The following MYO3B variants were observed in gnomAD, a reference collection of about 807,000 sequenced individuals.
MYO3B encodes the protein myosin-IIIb.
MYO3B carries 156 observed loss-of-function variants against 174.6 expected under a neutral mutation model. The observed-to-expected ratio is 0.89, with a 90% CI of 0.78 to 1.02. The LOEUF (loss-of-function observed/expected upper bound fraction) is 1.02, where lower values mean the gene tolerates loss of function less well. Among genes scored for constraint, MYO3B ranks in the 50% least tolerant of loss-of-function variants. The pLI is 0.00. For missense variants in MYO3B, 1,632 were observed against 1,639.4 expected, an observed-to-expected ratio of 1.00 and a Z score of 0.08; for synonymous variants, 563 against 569.1, an observed-to-expected ratio of 0.99 and a Z score of 0.15.
At chr2:170,362,421 C>T (rs1028707595) in intron 8 of MYO3B, among the ~76,000 whole-genome samples, 2 of 152,198 alleles carry the variant, frequency 1.3e-5, no homozygotes, top group Non-Finnish European at 2.9e-5. Context: ...TCTTTCCAAC[C>T]TTGCCCCAGG....
At chr2:170,514,765 A>T (rs1235946373) in intron 28 of MYO3B, among the ~76,000 whole-genome samples, 156 bp from the exon 29 acceptor site, 1 of 152,228 alleles carries the variant, frequency 6.6e-6, no homozygotes, top group African/African-American at 2.4e-5. Context: ...AAATCTTAAA[A>T]ATAAGCACCA....
chr2:170,222,619 A>G (rs540626703), intron 6 of MYO3B, among the ~76,000 whole-genome samples: 160 of 152,276 alleles, frequency 1.1e-3, no homozygotes, highest in African/African-American at 3.8e-3. Context: ...ATGACTTCTT[A>G]TAAGAACACC....
chr2:170,426,521 A>G (rs2094663326), intron 22 of MYO3B, among the ~76,000 whole-genome samples: 2 of 151,496 alleles, frequency 1.3e-5, no homozygotes, highest in Non-Finnish European at 2.9e-5. Context: ...TATTTTTAGT[A>G]GAGGCGGGGT....
chr2:170,432,828 G>T (rs531787574), intron 22 of MYO3B, among the ~76,000 whole-genome samples: 2 of 152,214 alleles, frequency 1.3e-5, no homozygotes, highest in East Asian at 3.9e-4. Flanking sequence ...ACCTGCCTCG[G>T]CCTCCTAAAG....
intron 28 of MYO3B, among the ~76,000 whole-genome samples, chr2:170,503,677 A>C (rs1687432196): frequency 2.0e-5 from 3 of 149,408 alleles, no homozygotes; most frequent in East Asian, 2.0e-4. Flanking sequence ...CCTTGCAAGC[A>C]CCTCCCCTTT....
chr2:170,257,448 C>T (rs1317044098), intron 7 of MYO3B, among the ~76,000 whole-genome samples: 3 of 152,118 alleles, frequency 2.0e-5, no homozygotes, highest in Non-Finnish European at 4.4e-5. Context: ...CAAAACCACA[C>T]AATTGCATGG....
chr2:170,350,258 C>CA (rs2105595682), intron 8 of MYO3B: 1 of 151,824 alleles, frequency 6.6e-6, no homozygotes, highest in East Asian at 1.9e-4. Flanking sequence ...CTCGACCTCC[C>CA]AAAAACCGAA....
intron 7 of MYO3B, among the ~76,000 whole-genome samples, chr2:170,321,073 C>T (rs756622247): frequency 4.6e-5 from 7 of 151,782 alleles, no homozygotes; most frequent in East Asian, 1.9e-4. Flanking sequence ...TAGTCCAGCC[C>T]GGGCAACATA....
intron 32 of MYO3B, among the ~76,000 whole-genome samples, chr2:170,559,068 T>C (rs1691539134): frequency 6.6e-6 from 1 of 152,230 alleles, no homozygotes; most frequent in African/African-American, 2.4e-5. Context: ...TGGCCTAACC[T>C]ATCCAGATTT....
intron 7 of MYO3B, among the ~76,000 whole-genome samples, chr2:170,288,803 G>C (rs2093575678): frequency 6.6e-6 from 1 of 151,964 alleles, no homozygotes; most frequent in Non-Finnish European, 1.5e-5. Context: ...CCATTCCTTA[G>C]AGGAAAAGCT....
intron 3 of MYO3B, among the ~76,000 whole-genome samples, chr2:170,209,136 T>C (rs535730292): frequency 6.6e-6 from 1 of 152,280 alleles, no homozygotes; most frequent in South Asian, 2.1e-4. Context: ...ACCCTTCCAG[T>C]CAAAGCCTTG....
At position 170,206,551 on chromosome 2, in the gene MYO3B, G is replaced by C. The variant is rs2092715257; in HGVS notation, c.321+6267G>C. On this transcript the variant is annotated intron_variant, in intron 3 of 34. Transcript: ENST00000408978. The surrounding 1 kb of genome is among the most constrained non-coding windows in gnomAD (Gnocchi z 4.3). ...ACTAAACTGGGTTCTTGAGCCCCCA[G>C]CCTGACTAAAGGAGGCAACTGATTC... 6.6e-6 allele frequency among the ~76,000 whole-genome samples: 1 copy of C among 152,164 alleles called. No individual in the cohort carries two copies. Among genetic ancestry groups the C allele is most frequent in the African/African-American group, 2.4e-5 (1 of 41,446 alleles).
intron 30 of MYO3B, among the ~76,000 whole-genome samples, chr2:170,533,412 T>C (rs142683707): frequency 1.4e-3 from 147 of 107,094 alleles, no homozygotes; most frequent in African/African-American, 5.6e-3. Flanking sequence ...TTAAATATTA[T>C]CTTTTGTGGG....
intron 7 of MYO3B, among the ~76,000 whole-genome samples, chr2:170,281,417 A>T (rs2093509188): frequency 6.6e-6 from 1 of 152,096 alleles, no homozygotes; most frequent in Non-Finnish European, 1.5e-5. Flanking sequence ...CACCAAACAC[A>T]CTCTTGGACC....
chr2:170,523,431 T>TA (rs1039095661), intron 30 of MYO3B, among the ~76,000 whole-genome samples: 2 of 136,654 alleles, frequency 1.5e-5, no homozygotes, highest in Non-Finnish European at 3.0e-5. Context: ...CAAGGGCTGA[T>TA]AGGAAGGAGT....
chr2:170,327,262 G>A (rs1292168675), intron 7 of MYO3B, among the ~76,000 whole-genome samples: 2 of 152,214 alleles, frequency 1.3e-5, no homozygotes, highest in Admixed American at 1.3e-4. Flanking sequence ...GCACATGCCT[G>A]TATTCCCAAC....
intron 16 of MYO3B, among the ~76,000 whole-genome samples, chr2:170,399,236 C>G (rs1246883808): frequency 1.8e-5 from 1 of 56,154 alleles, no homozygotes; most frequent in Non-Finnish European, 4.6e-5. Context: ...GAGCGAAATT[C>G]CGTCTCAAAA....
chr2:170,471,464 C>T (rs950382298), intron 25 of MYO3B, among the ~76,000 whole-genome samples: 1 of 152,108 alleles, frequency 6.6e-6, no homozygotes, highest in Non-Finnish European at 1.5e-5. Flanking sequence ...ACCTAAGAAG[C>T]TATCATCTAA....
chr2:170,401,657 A>G lies in MYO3B; in HGVS notation c.2095A>G (p.Ile699Val). Residue 699 changes from isoleucine to valine, a missense_variant, in exon 18 of 35, where the codon ATT becomes GTT. Transcript: ENST00000408978. ...GCTCTTCAGCTGGATTGTGAATCGCATTAATACACTCCTGCAGCCAGACGA... is the reference window on the plus strand; with the variant it reads ...GCTCTTCAGCTGGATTGTGAATCGCGTTAATACACTCCTGCAGCCAGACGA... ...GRLFSWIVNR[I>V]NTLLQPDENI... The G allele has an allele frequency of 6.2e-7, 1 of 1,614,066 alleles. No homozygotes were observed. Among genetic ancestry groups the G allele is most frequent in the South Asian group, 1.1e-5 (1 of 91,090 alleles).
Sources: gnomAD v4.1 joint callset for allele counts (sites outside exome capture counted in the v4.1 genomes callset) on GRCh38, gnomAD v4.1.1 for gene constraint, Gnocchi (gnomAD v3.1) non-coding constraint, MANE v1.5 for transcripts, NCBI Gene and HGNC (gene_info 2026-07-23, HGNC 2026-07-21) for gene names.